The following GABRG3 variants were observed in gnomAD, a reference collection of about 807,000 sequenced individuals.
GABRG3 encodes gamma-aminobutyric acid type A receptor subunit gamma3.
A neutral mutation model predicts 48.8 loss-of-function variants in GABRG3; 25 were observed. That is an observed-to-expected ratio of 0.51 (90% confidence interval 0.37 to 0.72). The LOEUF (loss-of-function observed/expected upper bound fraction) is 0.72. Among genes scored for constraint, GABRG3 ranks in the 30% least tolerant of loss-of-function variants. The pLI is 0.00. For synonymous variants in GABRG3, 227 were observed against 217.6 expected (o/e 1.04, Z -0.38); for missense variants, 394 against 577.9 (o/e 0.68, Z 3.26).
Position 27,539,978 on chromosome 15 carries a change from A to G in GABRG3, c.*7097A>G, listed in dbSNP as rs1891629519. On this transcript the variant is annotated 3_prime_UTR_variant, in exon 10 of 10. Transcript: ENST00000615808. ...CTACATCATAACCATCATCACCCTC[A>G]TTGTCCTCTTCCATGTTTCTACTAG... is the stretch of plus-strand genomic sequence containing the variant. The G allele has an allele frequency of 6.6e-6, 1 of 152,150 alleles. No individual in the cohort carries two copies. Among genetic ancestry groups the G allele is most frequent in the South Asian group, 2.1e-4 (1 of 4,830 alleles). The allele number at this position is 152,150 out of a possible 1,614,324, so 9.4% of individuals were successfully genotyped here. A position where few individuals can be genotyped will look rare whatever the true frequency, so the allele number is the denominator to read the frequency against.
intron 3 of GABRG3, among the ~76,000 whole-genome samples, chr15:27,150,785 C>T (rs530739054): frequency 5.1e-4 from 77 of 152,268 alleles, no homozygotes; most frequent in South Asian, 2.1e-3. Flanking sequence ...ACTTACAGCC[C>T]GCTCTTCTGA....
chr15:27,345,841 G>A (rs1331936179), intron 5 of GABRG3, among the ~76,000 whole-genome samples: 1 of 152,004 alleles, frequency 6.6e-6, no homozygotes, highest in Non-Finnish European at 1.5e-5. Context: ...ATCCCCTGAG[G>A]TCAGGAGTTC....
chr15:27,430,151 A>G (rs1888406588), intron 5 of GABRG3, among the ~76,000 whole-genome samples: 1 of 152,190 alleles, frequency 6.6e-6, no homozygotes, highest in Non-Finnish European at 1.5e-5. Context: ...TCTAATGACT[A>G]ATGATGTTGA....
At chr15:27,103,734 T>C (rs931590919) in intron 3 of GABRG3, among the ~76,000 whole-genome samples, 2 of 152,158 alleles carry the variant, frequency 1.3e-5, no homozygotes, top group African/African-American at 4.8e-5. Flanking sequence ...GAATGACCAA[T>C]TCTTGAGGTC....
Position 27,537,280 on chromosome 15 carries a change from G to A in GABRG3, c.*4399G>A, listed in dbSNP as rs561602195. 53 of 152,222 alleles carry A rather than the reference G, an allele frequency of 3.5e-4. No individual in the cohort carries two copies. The highest frequency in any genetic ancestry group is 1.0e-3 in the African/African-American group (43 of 41,546). 9.4% of individuals were successfully genotyped at this position (152,222 alleles called of 1,614,324 possible). ...ATATTCAGAAAGGTTCCGGAAATAC[G>A]GGGGAAAGAACCAGACTACGAATAC... On this transcript the variant is annotated 3_prime_UTR_variant, in exon 10 of 10. Transcript: ENST00000615808.
At chr15:27,215,925 C>A (rs990102018) in intron 3 of GABRG3, among the ~76,000 whole-genome samples, 5 of 152,190 alleles carry the variant, frequency 3.3e-5, no homozygotes, top group Admixed American at 3.3e-4. Context: ...TACAAATAAT[C>A]TATACTCGTG....
chr15:27,467,677 A>G (rs1475068113), intron 5 of GABRG3, among the ~76,000 whole-genome samples: 3 of 152,224 alleles, frequency 2.0e-5, no homozygotes, highest in Non-Finnish European at 2.9e-5. Context: ...AAAGAGTGCA[A>G]TGAAACCTCA....
At chr15:27,385,612 A>T (rs144990339) in intron 5 of GABRG3, among the ~76,000 whole-genome samples, 66 of 152,172 alleles carry the variant, frequency 4.3e-4, no homozygotes, top group African/African-American at 1.4e-3. Context: ...TTACTGAATG[A>T]TCATTAAGTT....
At chr15:27,361,247 G>A (rs1042383584) in intron 5 of GABRG3, among the ~76,000 whole-genome samples, 4 of 152,156 alleles carry the variant, frequency 2.6e-5, no homozygotes, top group Admixed American at 1.3e-4. Flanking sequence ...ACTTGGAGTT[G>A]TGAATGCGGT....
At chr15:27,345,242 G>T (rs1894326984) in intron 5 of GABRG3, among the ~76,000 whole-genome samples, 2 of 152,076 alleles carry the variant, frequency 1.3e-5, no homozygotes, top group Non-Finnish European at 2.9e-5. Context: ...CATGTTTTCT[G>T]TTGCTTGCAT....
chr15:27,229,243 A>G (rs986938694), intron 3 of GABRG3, among the ~76,000 whole-genome samples: 3 of 152,192 alleles, frequency 2.0e-5, no homozygotes, highest in Admixed American at 6.5e-5. Context: ...ATTCTTGTAT[A>G]TGATATAAGG....
At chr15:27,252,553 C>G (rs1161061987) in intron 3 of GABRG3, among the ~76,000 whole-genome samples, 1 of 152,212 alleles carries the variant, frequency 6.6e-6, no homozygotes, top group Non-Finnish European at 1.5e-5. Context: ...CTGTTAAACC[C>G]GCTGGTCCTC....
At chr15:27,525,306 T>A (rs1891248514) in intron 7 of GABRG3, among the ~76,000 whole-genome samples, 1 of 152,142 alleles carries the variant, frequency 6.6e-6, no homozygotes, top group Admixed American at 6.5e-5. Flanking sequence ...AAGAAGAAAG[T>A]TGTTCTAGGA....
chr15:27,009,417 A>T (rs769820015), intron 2 of GABRG3, among the ~76,000 whole-genome samples: 15 of 152,216 alleles, frequency 9.9e-5, no homozygotes, highest in Admixed American at 1.3e-4. Context: ...AACCGTTAGG[A>T]TCCAATATAT....
intron 3 of GABRG3, chr15:27,208,110 G>T: frequency 5.6e-6 from 1 of 179,898 alleles, no homozygotes; most frequent in South Asian, 1.3e-4. Context: ...TCCCCTCCTT[G>T]GCTAGTTTGT....
At chr15:27,194,586 A>G (rs559797351) in intron 3 of GABRG3, among the ~76,000 whole-genome samples, 2 of 152,224 alleles carry the variant, frequency 1.3e-5, no homozygotes, top group East Asian at 1.9e-4. Flanking sequence ...ATATTGTCCA[A>G]TTTCCTTCTA....
In GABRG3 at chr15:27,539,998, T is replaced by C. The variant is rs1223270300; in HGVS notation, c.*7117T>C. The C allele has an allele frequency of 6.6e-6, 1 of 152,244 alleles. No homozygotes were observed. The highest frequency in any genetic ancestry group is 2.4e-5 in the African/African-American group (1 of 41,456). The allele number at this position is 152,244 out of a possible 1,614,324, so 9.4% of individuals were successfully genotyped here. A position where few individuals can be genotyped will look rare whatever the true frequency, so the allele number is the denominator to read the frequency against. On this transcript the variant is annotated 3_prime_UTR_variant, in exon 10 of 10. Coordinates refer to ENST00000615808, the MANE Select transcript of GABRG3 (RefSeq NM_033223.5). ...CCCTCATTGTCCTCTTCCATGTTTC[T>C]ACTAGTACTCAGCTATTGATTCAAC...
chr15:27,205,023 G>C (rs1189072291), intron 3 of GABRG3, among the ~76,000 whole-genome samples: 2 of 151,560 alleles, frequency 1.3e-5, no homozygotes, highest in Non-Finnish European at 3.0e-5. Flanking sequence ...CTATTTGTGT[G>C]TCTTTTTTTT....
At chr15:27,192,589 C>A (rs1440059542) in intron 3 of GABRG3, among the ~76,000 whole-genome samples, 1 of 152,180 alleles carries the variant, frequency 6.6e-6, no homozygotes, top group Non-Finnish European at 1.5e-5. Flanking sequence ...CTCCTTTAAG[C>A]AATTCTCTGT....
Sources: allele counts gnomAD v4.1 joint callset (sites outside exome capture counted in the v4.1 genomes callset), GRCh38; gene constraint gnomAD v4.1.1; transcripts MANE v1.5; gene names NCBI Gene and HGNC (gene_info 2026-07-23, HGNC 2026-07-21).